BLM: variants seen among roughly 807,000 people sequenced by gnomAD.
BLM encodes BLM RecQ like helicase, also known as recQ-like DNA helicase BLM.
In BLM, 95 loss-of-function variants were observed where a neutral mutation model predicts 135.3. That is an observed-to-expected ratio of 0.70 (90% confidence interval 0.59 to 0.83). The LOEUF (loss-of-function observed/expected upper bound fraction) is 0.83. Among genes scored for constraint, BLM ranks in the 40% least tolerant of loss-of-function variants. The pLI, the probability that BLM is intolerant of heterozygous loss-of-function variation, is 0.00. For missense variants in BLM, 1,518 were observed against 1,663.9 expected, an observed-to-expected ratio of 0.91 and a Z score of 1.53; for synonymous variants, 520 against 589.2, an observed-to-expected ratio of 0.88 and a Z score of 1.70.
chr15:90,790,992 A>G, intron 15 of BLM, 148 bp downstream of exon 15: 1 of 795,862 alleles, frequency 1.3e-6, no homozygotes, highest in Non-Finnish European at 2.0e-6. Context: ...ATTTTATTTT[A>G]GTTCATTTTT....
intron 3 of BLM, among the ~76,000 whole-genome samples, 199 bp from the exon 4 acceptor site, chr15:90,751,588 T>G (rs1281094158): frequency 6.6e-6 from 1 of 152,248 alleles, no homozygotes; most frequent in African/African-American, 2.4e-5. Context: ...GAGCATTCAC[T>G]GGACTTAATC....
chr15:90,760,875 T>G lies in BLM; in HGVS notation c.1502T>G (p.Val501Gly). Reference sequence around the variant, plus strand: ...AATACCCATTTACAGAAGTCCTTTGTAAGTAGCAACTGGGCTGAAACACCA... The same window carrying G: ...AATACCCATTTACAGAAGTCCTTTGGAAGTAGCAACTGGGCTGAAACACCA... ...LFNTHLQKSF[V>G]SSNWAETPRL... is the part of the protein sequence containing the mutation. Residue 501 changes from valine (V) to glycine (G), a missense_variant, in exon 7 of 22, where the codon GTA becomes GGA. Physicochemically the swap from Val to Gly is moderately radical, Grantham distance 109 (BLOSUM62 -3). Coordinates refer to ENST00000355112, the MANE Select transcript of BLM (RefSeq NM_000057.4). 1 of 1,614,034 alleles carries G rather than the reference T, an allele frequency of 6.2e-7. No homozygotes were observed. Among genetic ancestry groups the G allele is most frequent in the Non-Finnish European group, 8.5e-7 (1 of 1,180,024 alleles).
chr15:90,765,219 A>T, intron 8 of BLM, 77 bp from the exon 9 acceptor site: 1 of 1,178,406 alleles, frequency 8.5e-7, no homozygotes, highest in Non-Finnish European at 1.3e-6. Flanking sequence ...TATTAATGAT[A>T]TGATTTCTTT....
At chr15:90,799,339 G>T (rs868141824) in intron 17 of BLM, among the ~76,000 whole-genome samples, 2 of 151,784 alleles carry the variant, frequency 1.3e-5, no homozygotes, top group Non-Finnish European at 2.9e-5. Flanking sequence ...TAATGGAAAA[G>T]AAATAAAAAT....
chr15:90,812,503 G>A (rs1042426044), intron 21 of BLM, among the ~76,000 whole-genome samples: 8 of 152,168 alleles, frequency 5.3e-5, no homozygotes, highest in African/African-American at 1.7e-4. Context: ...GCCGCTTTTT[G>A]ATTTTCTGCC....
intron 4 of BLM, among the ~76,000 whole-genome samples, chr15:90,752,431 C>T (rs1388573267): frequency 1.3e-5 from 2 of 152,108 alleles, no homozygotes; most frequent in Non-Finnish European, 1.5e-5. Flanking sequence ...CCCGCCTTGG[C>T]CTCCCAAAGT....
chr15:90,747,299 G>A (rs1029671339), intron 1 of BLM, 90 bp from the exon 2 acceptor site: 131 of 802,154 alleles, frequency 1.6e-4, no homozygotes, highest in Non-Finnish European at 2.4e-5. Context: ...AACAATGCCT[G>A]TTTGAATCAA....
At chr15:90,780,081 C>CT (rs1164879678) in intron 12 of BLM, among the ~76,000 whole-genome samples, 16,634 of 135,352 alleles carry the variant, frequency 0.12, 1,054 homozygotes, top group African/African-American at 0.17. Flanking sequence ...AGCAGGATGT[C>CT]TTTTTTTTTT....
Position 90,725,796 on chromosome 15 carries a change from C to T in BLM, c.-5+8356C>T, listed in dbSNP as rs151162567. ...AAAGTGCTGGGATTACAGGCGTGAG[C>T]CACCGCGCCCAGCCTACAGTCCCTT... On this transcript the variant is annotated intron_variant, in intron 1 of 21. Coordinates refer to ENST00000355112, the MANE Select transcript of BLM (RefSeq NM_000057.4). Among the ~76,000 whole-genome samples, 131 of 152,032 alleles carry T rather than the reference C, an allele frequency of 8.6e-4. 1 individual carries two copies. Among genetic ancestry groups the T allele is most frequent in the African/African-American group, 3.0e-3 (125 of 41,484 alleles).
chr15:90,763,196 G>T (rs1283824081), intron 8 of BLM, 39 bp downstream of exon 8: 3 of 1,597,880 alleles, frequency 1.9e-6, no homozygotes, highest in Non-Finnish European at 2.6e-6. Flanking sequence ...GAATCCATTG[G>T]CAGATGTTAA....
At chr15:90,742,139 A>G (rs1895378825) in intron 1 of BLM, among the ~76,000 whole-genome samples, 1 of 152,246 alleles carries the variant, frequency 6.6e-6, no homozygotes, top group African/African-American at 2.4e-5. Context: ...GAGAACAGAA[A>G]GTTGCTTGCC....
chr15:90,798,028 A>G (rs1486136337), intron 16 of BLM, among the ~76,000 whole-genome samples, 162 bp from the exon 17 acceptor site: 2 of 152,166 alleles, frequency 1.3e-5, no homozygotes, highest in African/African-American at 4.8e-5. Flanking sequence ...TAGTTGTTCT[A>G]GAACTTAGAT....
chr15:90,766,404 C>T lies in BLM; in HGVS notation c.2194-506C>T, dbSNP rs138271363. Among the ~76,000 whole-genome samples, 15 of 152,000 alleles carry T rather than the reference C, an allele frequency of 9.9e-5. No homozygotes were observed. In the East Asian group the frequency reaches 2.9e-3, roughly 29 times the overall value. The stretch of plus-strand genomic sequence containing the variant: ...GAAAAGGAAATAAATAATGAGAAGA[C>T]CATTTTGTGTTATGCTTTTTTTTGT... On this transcript the variant is annotated intron_variant, in intron 9 of 21. Coordinates refer to ENST00000355112, the MANE Select transcript of BLM (RefSeq NM_000057.4).
chr15:90,805,935 C>T (rs1366046693), intron 19 of BLM, among the ~76,000 whole-genome samples: 5 of 151,898 alleles, frequency 3.3e-5, no homozygotes, highest in Admixed American at 6.6e-5. Context: ...CTGCAACCTC[C>T]GCCTCCTGGG....
chr15:90,750,788 T>A (rs1163147938), intron 3 of BLM, among the ~76,000 whole-genome samples: 1 of 152,218 alleles, frequency 6.6e-6, no homozygotes, highest in Admixed American at 6.5e-5. Flanking sequence ...CCTTTTGCTG[T>A]GCTTAATTAA....
chr15:90,767,946 T>C (rs1484775694), intron 10 of BLM, among the ~76,000 whole-genome samples: 2 of 151,178 alleles, frequency 1.3e-5, no homozygotes, highest in African/African-American at 2.5e-5. Flanking sequence ...GTTACACTTT[T>C]TTTTTCTTTT....
chr15:90,741,742 T>C (rs1460869126), intron 1 of BLM, among the ~76,000 whole-genome samples: 1 of 152,232 alleles, frequency 6.6e-6, no homozygotes, highest in Non-Finnish European at 1.5e-5. Context: ...TCAAGTTGTC[T>C]ACATATAATG....
chr15:90,731,966 C>T (rs1412061862), intron 1 of BLM, among the ~76,000 whole-genome samples: 1 of 152,192 alleles, frequency 6.6e-6, no homozygotes, highest in East Asian at 1.9e-4. Flanking sequence ...TCCCAAAGTG[C>T]TGGGATTACA....
chr15:90,790,924 C>A, intron 15 of BLM, 80 bp downstream of exon 15: 1 of 1,384,444 alleles, frequency 7.2e-7, no homozygotes. Context: ...TGTGGTACTT[C>A]TGGTCCAGTT....
Sources: allele counts gnomAD v4.1 joint callset (sites outside exome capture counted in the v4.1 genomes callset), GRCh38; gene constraint gnomAD v4.1.1; transcripts MANE v1.5; gene names NCBI Gene and HGNC (gene_info 2026-07-23, HGNC 2026-07-21).